STAU2: variants seen among roughly 807,000 people sequenced by gnomAD.
The protein encoded by STAU2 is double-stranded RNA-binding protein Staufen homolog 2.
In STAU2, 20 loss-of-function variants were observed where a neutral mutation model predicts 65.9. That is an observed-to-expected ratio of 0.30 (90% confidence interval 0.21 to 0.44). STAU2 has a LOEUF of 0.44. STAU2 is among the 20% of genes least tolerant of loss of function. The pLI is 1.00. For missense variants in STAU2, 558 were observed against 683.9 expected (o/e 0.82, Z 2.05); for synonymous variants, 232 against 233.9 (o/e 0.99, Z 0.07).
chr8:73,699,209 T>C (rs1225327294), intron 4 of STAU2, among the ~76,000 whole-genome samples: 14 of 151,886 alleles, frequency 9.2e-5, no homozygotes, highest in Admixed American at 9.2e-4. Flanking sequence ...TACACACACC[T>C]ACATCAAAAA....
intron 13 of STAU2, among the ~76,000 whole-genome samples, chr8:73,438,271 C>T (rs1450915042): frequency 1.2e-4 from 19 of 152,206 alleles, no homozygotes; most frequent in Admixed American, 9.2e-4. Context: ...CCACGCTGGG[C>T]GCTAACAGAC....
chr8:73,720,499 C>CTTTTTTTTTTTT lies in STAU2; in HGVS notation c.-17-11349_-17-11338dup, dbSNP rs1174035145. On this transcript the variant is annotated intron_variant, in intron 3 of 14. Transcript: ENST00000524300. ...GTTGTCATTTAGTTTAAAATACTTT[C>CTTTTTTTTTTTT]TTTTTTTTTTTTTTTTTTTTTTTTG... Among the ~76,000 whole-genome samples, 27 of 39,102 alleles carry CTTTTTTTTTTTT rather than the reference C, an allele frequency of 6.9e-4. 6 individuals carry two copies. The highest frequency in any genetic ancestry group is 1.5e-3 in the African/African-American group (11 of 7,528). The allele number at this position is 39,102 out of a possible 152,430, so 25.7% of individuals were successfully genotyped here.
At chr8:73,485,922 T>A (rs911111419) in intron 13 of STAU2, among the ~76,000 whole-genome samples, 1 of 152,044 alleles carries the variant, frequency 6.6e-6, no homozygotes. Flanking sequence ...AAATAAATAG[T>A]CAGGAAAGCC....
rs966125108 is a variant in STAU2, at chr8:73,421,239, G to A, written c.*133C>T. 74 of 729,914 alleles carry A rather than the reference G, an allele frequency of 1.0e-4. No individual in the cohort carries two copies. In the Admixed American group the frequency reaches 1.3e-3, roughly 13 times the overall value. 45.2% of individuals were successfully genotyped at this position (729,914 alleles called of 1,614,324 possible). On this transcript the variant is annotated 3_prime_UTR_variant, in exon 15 of 15. Transcript: ENST00000524300. ...AACAGTACCATGTATATTATCTCTC[G>A]TGTTAGAATAGTGTTGTCTTCACAT...
At chr8:73,496,899 C>T (rs560615422) in intron 13 of STAU2, among the ~76,000 whole-genome samples, 3 of 151,714 alleles carry the variant, frequency 2.0e-5, no homozygotes, top group African/African-American at 7.2e-5. Flanking sequence ...CAGCACAGAC[C>T]TAGACAGTTG....
chr8:73,712,723 G>T (rs1820985692), intron 3 of STAU2, among the ~76,000 whole-genome samples: 1 of 152,162 alleles, frequency 6.6e-6, no homozygotes, highest in African/African-American at 2.4e-5. Context: ...GGGAGGCAGA[G>T]GCGGGAGGAT....
At position 73,587,105 on chromosome 8, in the gene STAU2, C is replaced by T. The variant is rs75666318; in HGVS notation, c.1162-4275G>A. Among the ~76,000 whole-genome samples, 154 of 152,178 alleles carry T rather than the reference C, an allele frequency of 1.0e-3. No homozygotes were observed. The East Asian group carries it at 0.023, about 23-fold the overall frequency. On this transcript the variant is annotated intron_variant, in intron 11 of 14. Transcript: ENST00000524300. ...AGAGGGAAGAGAAGGGTAAAAGTTT[C>T]ATATACAGGCTGAAGAATCAGGTGT...
chr8:73,616,789 C>T (rs1287354223), intron 7 of STAU2, among the ~76,000 whole-genome samples: 1 of 146,018 alleles, frequency 6.8e-6, no homozygotes. Flanking sequence ...CAGAGCGAGG[C>T]TCCATCTCAA....
intron 13 of STAU2, among the ~76,000 whole-genome samples, chr8:73,474,778 C>T (rs1246721280): frequency 6.6e-6 from 1 of 152,090 alleles, no homozygotes; most frequent in South Asian, 2.1e-4. Flanking sequence ...GAAAAGGCAA[C>T]ATTTAAAAAA....
At chr8:73,553,643 C>T (rs1367977806) in intron 12 of STAU2, among the ~76,000 whole-genome samples, 1 of 151,792 alleles carries the variant, frequency 6.6e-6, no homozygotes, top group African/African-American at 2.4e-5. Flanking sequence ...GGAGGCTAGC[C>T]CAACTCTCCT....
intron 13 of STAU2, among the ~76,000 whole-genome samples, chr8:73,495,913 T>C (rs900689110): frequency 4.6e-5 from 7 of 151,432 alleles, no homozygotes; most frequent in Non-Finnish European, 1.0e-4. Context: ...CACATATATG[T>C]ACACACACAA....
intron 11 of STAU2, among the ~76,000 whole-genome samples, chr8:73,594,884 G>A (rs1811073587): frequency 6.6e-6 from 1 of 152,020 alleles, no homozygotes; most frequent in Non-Finnish European, 1.5e-5. Context: ...GTGTCTATAT[G>A]GCAAAAACAA....
chr8:73,552,410 G>GT (rs1348611011), intron 12 of STAU2, 91 bp from the exon 13 acceptor site: 1 of 1,175,996 alleles, frequency 8.5e-7, no homozygotes, highest in Non-Finnish European at 1.2e-6. Flanking sequence ...ACTTGGTGTA[G>GT]TAACAAAGAA....
chr8:73,567,158 C>T (rs965435158), intron 12 of STAU2, among the ~76,000 whole-genome samples: 3 of 152,044 alleles, frequency 2.0e-5, no homozygotes, highest in African/African-American at 4.8e-5. Context: ...CTTGCATTTG[C>T]TCAAATACTG....
chr8:73,437,531 G>A (rs867003697), intron 13 of STAU2, among the ~76,000 whole-genome samples: 6 of 152,168 alleles, frequency 3.9e-5, no homozygotes, highest in African/African-American at 9.7e-5. Context: ...TAGCTCCAGC[G>A]AGTCCATGGG....
rs536656402 is a variant in STAU2 at position 73,500,394 on chromosome 8, AT to A, written c.1530+51617del. ...AGTTTTGCTTTTTGAAACTTTGTGA[AT>A]TTTTTTTTTCCAATTATTTTTGATC... On this transcript the variant is annotated intron_variant, in intron 13 of 14. Coordinates refer to ENST00000524300, the MANE Select transcript of STAU2 (RefSeq NM_001164380.2). Among the ~76,000 whole-genome samples, 198 of 150,616 alleles carry A rather than the reference AT, an allele frequency of 1.3e-3. 1 individual carries two copies. The highest frequency in any genetic ancestry group is 6.1e-3 in the East Asian group (31 of 5,102).
intron 6 of STAU2, among the ~76,000 whole-genome samples, chr8:73,642,253 G>A (rs1328330781): frequency 2.0e-5 from 3 of 152,128 alleles, no homozygotes; most frequent in Non-Finnish European, 1.5e-5. Flanking sequence ...TGCCAGGTGC[G>A]GTGGCTCACG....
At chr8:73,448,824 G>T (rs1311065284) in intron 13 of STAU2, among the ~76,000 whole-genome samples, 3 of 152,270 alleles carry the variant, frequency 2.0e-5, no homozygotes, top group East Asian at 1.9e-4. Flanking sequence ...TCGGGACGTC[G>T]CGTGCCTGCA....
intron 3 of STAU2, among the ~76,000 whole-genome samples, chr8:73,709,377 C>T (rs1388058184): frequency 6.6e-6 from 1 of 151,778 alleles, no homozygotes; most frequent in Non-Finnish European, 1.5e-5. Flanking sequence ...TCCTAAGTAC[C>T]TAAGTTGTTC....
Sources: allele counts gnomAD v4.1 joint callset (sites outside exome capture counted in the v4.1 genomes callset), GRCh38; gene constraint gnomAD v4.1.1; transcripts MANE v1.5; gene names NCBI Gene and HGNC (gene_info 2026-07-23, HGNC 2026-07-21).